The following PDE4D variants were observed in gnomAD, a reference collection of about 807,000 sequenced individuals.
The protein encoded by PDE4D is phosphodiesterase 4D, also known as 3',5'-cyclic-AMP phosphodiesterase 4D.
Under a neutral mutation model 87.4 loss-of-function variants are expected in PDE4D, and 24 were observed. That is an observed-to-expected ratio of 0.27 (90% CI 0.20 to 0.39). PDE4D has a LOEUF of 0.39. PDE4D is among the 10% of genes least tolerant of loss of function. PDE4D has a pLI of 1.00. For missense variants in PDE4D, 714 were observed against 1,041.0 expected (o/e 0.69, Z 4.32); for synonymous variants, 384 against 383.2 (o/e 1.00, Z -0.02).
At chr5:59,158,635 CAG>C (rs1780582910) in intron 5 of PDE4D, among the ~76,000 whole-genome samples, 2 of 152,180 alleles carry the variant, frequency 1.3e-5, no homozygotes, top group Admixed American at 6.5e-5. Context: ...GGCAATTCAT[CAG>C]AGGCATGCAT....
intron 1 of PDE4D, among the ~76,000 whole-genome samples, chr5:59,261,715 T>C (rs1381636681): frequency 6.6e-6 from 1 of 151,838 alleles, no homozygotes; most frequent in Non-Finnish European, 1.5e-5. Context: ...CTTTGAAAAC[T>C]CAAAGGCTAA....
chr5:60,376,188 G>A (rs1003082916), intron 1 of PDE4D, among the ~76,000 whole-genome samples: 2 of 152,140 alleles, frequency 1.3e-5, no homozygotes, highest in Non-Finnish European at 2.9e-5. Flanking sequence ...TTATCTTATA[G>A]TTATGAATAT....
At chr5:59,067,981 A>C (rs145163291) in intron 5 of PDE4D, among the ~76,000 whole-genome samples, 3 of 152,214 alleles carry the variant, frequency 2.0e-5, no homozygotes, top group African/African-American at 7.2e-5. Context: ...TCATGACTCA[A>C]AATTTATGAA....
intron 2 of PDE4D, among the ~76,000 whole-genome samples, chr5:60,072,884 G>A (rs918346467): frequency 6.6e-6 from 1 of 152,014 alleles, no homozygotes; most frequent in Admixed American, 6.6e-5. Flanking sequence ...ATGCTGTTTT[G>A]GATACCGTAT....
At position 59,418,805 on chromosome 5, in the gene PDE4D, C is replaced by T. The variant is rs1794046254; in HGVS notation, c.456-202837G>A. On this transcript the variant is annotated intron_variant, in intron 1 of 14. Coordinates refer to ENST00000340635, the MANE Select transcript of PDE4D (RefSeq NM_001104631.2). ...CTGGGATTACAGGTGCATGCCACCA[C>T]ACTTGGCTAATTTTTATTTTTGGAT... is the stretch of plus-strand genomic sequence containing the variant. Among the ~76,000 whole-genome samples the T allele has an allele frequency of 3.3e-5, 5 of 152,116 alleles. No homozygotes were observed. The South Asian group carries it at 1.0e-3, about 31-fold the overall frequency.
chr5:60,077,470 A>T (rs551486198), intron 2 of PDE4D, among the ~76,000 whole-genome samples: 39 of 152,150 alleles, frequency 2.6e-4, no homozygotes, highest in Non-Finnish European at 3.8e-4. Flanking sequence ...CCACTAGAAC[A>T]GGAGCTGTAA....
chr5:59,884,285 C>T (rs536455723), intron 1 of PDE4D, among the ~76,000 whole-genome samples: 2 of 151,242 alleles, frequency 1.3e-5, no homozygotes, highest in Admixed American at 6.6e-5. Context: ...TATAAATACA[C>T]ACACACATAT....
chr5:59,048,691 T>C (rs1498609), intron 5 of PDE4D, among the ~76,000 whole-genome samples: 36,483 of 152,104 alleles, frequency 0.24, 5,180 homozygotes, highest in Middle Eastern at 0.39. Flanking sequence ...ATTGAGGTAT[T>C]CTCAGAAATA....
chr5:60,505,815 T>C (rs1179643731), intron 1 of PDE4D, among the ~76,000 whole-genome samples: 1 of 152,236 alleles, frequency 6.6e-6, no homozygotes, highest in Non-Finnish European at 1.5e-5. Context: ...TAGGGTGCCA[T>C]TTTAATTCAG....
intron 1 of PDE4D, among the ~76,000 whole-genome samples, chr5:59,804,786 T>C (rs1767557870): frequency 6.6e-6 from 1 of 152,106 alleles, no homozygotes; most frequent in Non-Finnish European, 1.5e-5. Context: ...GTTGTTTCTT[T>C]TTCTATTTTT....
chr5:59,466,419 T>C (rs1438580955), intron 1 of PDE4D, among the ~76,000 whole-genome samples: 3 of 152,154 alleles, frequency 2.0e-5, no homozygotes, highest in Non-Finnish European at 4.4e-5. Context: ...TTGTTTTCTG[T>C]GGTATGAGGC....
chr5:60,337,414 A>C (rs1210262359), intron 1 of PDE4D, among the ~76,000 whole-genome samples: 1 of 105,738 alleles, frequency 9.5e-6, no homozygotes. Flanking sequence ...CACATATATC[A>C]ATTCATAGAT....
chr5:60,319,893 A>C (rs62372000), intron 1 of PDE4D, among the ~76,000 whole-genome samples: 3 of 152,228 alleles, frequency 2.0e-5, no homozygotes, highest in East Asian at 3.9e-4. Context: ...GTCTGCCCCT[A>C]CTGGGGGGTA....
intron 3 of PDE4D, among the ~76,000 whole-genome samples, chr5:59,961,988 A>C (rs1759522029): frequency 6.6e-6 from 1 of 152,206 alleles, no homozygotes; most frequent in South Asian, 2.1e-4. Flanking sequence ...TGAATGTTTA[A>C]ACAAGTGAAA....
intron 2 of PDE4D, among the ~76,000 whole-genome samples, chr5:60,016,035 G>C (rs1414522081): frequency 2.0e-4 from 31 of 151,734 alleles, no homozygotes; most frequent in African/African-American, 7.5e-4. Context: ...CTGTGTGTGT[G>C]TGTGTGTGTG....
chr5:59,219,706 T>C (rs903575315), intron 1 of PDE4D, among the ~76,000 whole-genome samples: 1 of 152,014 alleles, frequency 6.6e-6, no homozygotes, highest in African/African-American at 2.4e-5. Flanking sequence ...GCAAAACAGG[T>C]GGCATCTGTA....
At position 59,343,341 on chromosome 5, in the gene PDE4D, C is replaced by G. The variant is rs77243003; in HGVS notation, c.456-127373G>C. Among the ~76,000 whole-genome samples the G allele has an allele frequency of 2.5e-3, 382 of 152,226 alleles. 1 individual carries two copies. The highest frequency in any genetic ancestry group is 8.9e-3 in the African/African-American group (368 of 41,532). ...CCAATCCCTCCTGTTCCCATCACCC[C>G]CTGGTAACCCCCTTCTATTATCTGC... On this transcript the variant is annotated intron_variant, in intron 1 of 14. Transcript: ENST00000340635.
intron 1 of PDE4D, among the ~76,000 whole-genome samples, chr5:59,636,015 C>T (rs1215677603): frequency 6.6e-6 from 1 of 152,178 alleles, no homozygotes; most frequent in Non-Finnish European, 1.5e-5. Flanking sequence ...ACTCCTTAAG[C>T]TGATAAGCAA....
At chr5:60,368,786 C>T (rs1340049697) in intron 1 of PDE4D, among the ~76,000 whole-genome samples, 2 of 152,092 alleles carry the variant, frequency 1.3e-5, no homozygotes, top group African/African-American at 4.8e-5. Flanking sequence ...TTCTCTCTCT[C>T]TTCTTCCTGC....
Sources: gnomAD v4.1 joint callset for allele counts (sites outside exome capture counted in the v4.1 genomes callset) on GRCh38, gnomAD v4.1.1 for gene constraint, MANE v1.5 for transcripts, NCBI Gene and HGNC (gene_info 2026-07-23, HGNC 2026-07-21) for gene names.